The following EZH1 variants were observed in gnomAD, a reference collection of about 807,000 sequenced individuals.
EZH1 encodes enhancer of zeste 1 polycomb repressive complex 2 subunit, also known as histone-lysine N-methyltransferase EZH1.
In EZH1, 33 loss-of-function variants were observed where a neutral mutation model predicts 100.5. The observed-to-expected ratio is 0.33, with a 90% CI of 0.25 to 0.44. The LOEUF is 0.44. Among genes scored for constraint, EZH1 ranks in the 20% least tolerant of loss-of-function variants. The pLI, the probability that EZH1 is intolerant of heterozygous loss-of-function variation, is 1.00. For synonymous variants in EZH1, 272 were observed against 313.8 expected (o/e 0.87, Z 1.41); for missense variants, 475 against 928.4 (o/e 0.51, Z 6.35).
In EZH1 at chr17:42,702,951, C is replaced by G; in HGVS notation, c.2109G>C (p.Val703=). The G allele has an allele frequency of 6.2e-7, 1 of 1,614,092 alleles. No individual in the cohort carries two copies. Among genetic ancestry groups the G allele is most frequent in the South Asian group, 1.1e-5 (1 of 91,074 alleles). ...AGATCCCAATCCGATGGTCTCCATTCACCATGACCACTGCAAGCAGGATAA... is the reference window on the plus strand; with the variant it reads ...AGATCCCAATCCGATGGTCTCCATTGACCATGACCACTGCAAGCAGGATAA... ...NPNCYAKVVM[V]NGDHRIGIFA... is the part of the protein sequence containing the mutation. Residue 703 remains valine (V), a synonymous_variant, in exon 20 of 21, where the codon GTG becomes GTC. Transcript: ENST00000428826.
chr17:42,711,080 C>G (rs1449526285), intron 12 of EZH1, among the ~76,000 whole-genome samples: 1 of 152,112 alleles, frequency 6.6e-6, no homozygotes, highest in African/African-American at 2.4e-5. Flanking sequence ...TCTGTCTTCT[C>G]ACTGTGGTCT....
chr17:42,742,398 C>A (rs1432322726), intron 1 of EZH1, among the ~76,000 whole-genome samples: 3 of 152,158 alleles, frequency 2.0e-5, no homozygotes, highest in Admixed American at 6.6e-5. Flanking sequence ...ACAGCCTCAG[C>A]CTCCCAAAGT....
intron 2 of EZH1, among the ~76,000 whole-genome samples, 188 bp downstream of exon 2, chr17:42,730,640 G>A (rs1273823680): frequency 6.6e-6 from 1 of 150,496 alleles, no homozygotes; most frequent in Non-Finnish European, 1.5e-5. Flanking sequence ...GGGACTACAG[G>A]CGCCCGCTAC....
At chr17:42,707,444 T>G (rs564540211) in intron 15 of EZH1, among the ~76,000 whole-genome samples, 1 of 152,300 alleles carries the variant, frequency 6.6e-6, no homozygotes, top group African/African-American at 2.4e-5. Context: ...GTATTCTTAG[T>G]AGAGACGGGG....
At chr17:42,715,442 T>C (rs2053583223) in intron 10 of EZH1, among the ~76,000 whole-genome samples, 3 of 151,874 alleles carry the variant, frequency 2.0e-5, no homozygotes, top group African/African-American at 7.2e-5. Flanking sequence ...ACATGGGGTT[T>C]TGCCATGTTG....
chr17:42,712,457 T>C lies in EZH1; in HGVS notation c.1233A>G (p.Thr411=). 1 of 1,613,826 alleles carries C rather than the reference T, an allele frequency of 6.2e-7. No individual in the cohort carries two copies. The highest frequency in any genetic ancestry group is 8.5e-7 in the Non-Finnish European group (1 of 1,179,932). ...GTGGGGCTGGACTAGCCTTCTGTTT[T>C]GTGGGAGTCTGACAGCGAGAGTTAG... ...SEANSRCQTP[T]KQKASPAPPQ... The change falls in exon 12 of 21, where the codon ACA becomes ACG. Residue 411 remains threonine, a synonymous_variant. Coordinates refer to ENST00000428826, the MANE Select transcript of EZH1 (RefSeq NM_001991.5).
chr17:42,703,660 G>A, intron 19 of EZH1, 80 bp downstream of exon 19: 1 of 1,050,642 alleles, frequency 9.5e-7, no homozygotes, highest in Non-Finnish European at 1.5e-6. Context: ...CTCAGCTAAG[G>A]AAAATGTTCA....
chr17:42,735,923 T>A (rs1407531602), intron 1 of EZH1, among the ~76,000 whole-genome samples: 3 of 152,042 alleles, frequency 2.0e-5, no homozygotes, highest in Non-Finnish European at 4.4e-5. Context: ...AGGCAGAGGT[T>A]GCAGTGGGCC....
chr17:42,717,960 C>A lies in EZH1; in HGVS notation c.1023+16G>T, dbSNP rs1434183425. 1.2e-6 allele frequency: 2 copies of A among 1,612,400 alleles called. No individual in the cohort carries two copies. The highest frequency in any genetic ancestry group is 2.2e-5 in the East Asian group (1 of 44,878). ...CAGAATGAAGTTAATAATGCCAGAA[C>A]AGCTTAAGAACATACCAGCAAAAGG... is the stretch of plus-strand genomic sequence containing the variant. On this transcript the variant is annotated intron_variant, in intron 10 of 20. Coordinates refer to ENST00000428826, the MANE Select transcript of EZH1 (RefSeq NM_001991.5).
chr17:42,725,419 C>T (rs1042882750), intron 4 of EZH1, among the ~76,000 whole-genome samples: 17 of 151,724 alleles, frequency 1.1e-4, no homozygotes, highest in Middle Eastern at 3.2e-3. Context: ...CAGGCATGTG[C>T]TACTACATCC....
At chr17:42,736,636 A>G (rs1240752119) in intron 1 of EZH1, among the ~76,000 whole-genome samples, 2 of 152,078 alleles carry the variant, frequency 1.3e-5, no homozygotes, top group East Asian at 1.9e-4. Flanking sequence ...GGAGTTCGAG[A>G]CCAGCCTGGC....
At chr17:42,725,969 C>T (rs986928975) in intron 4 of EZH1, among the ~76,000 whole-genome samples, 4 of 151,412 alleles carry the variant, frequency 2.6e-5, no homozygotes, top group African/African-American at 7.3e-5. Context: ...ACCTCCGCCT[C>T]CCAGGTTCAA....
At chr17:42,705,271 G>A in intron 16 of EZH1, 88 bp from the exon 17 acceptor site, 1 of 676,196 alleles carries the variant, frequency 1.5e-6, no homozygotes, top group Non-Finnish European at 2.7e-6. Context: ...GTGGGGGTGG[G>A]GTGGAAAGAA....
chr17:42,738,539 T>TC (rs1276061614), intron 1 of EZH1, among the ~76,000 whole-genome samples: 2 of 151,814 alleles, frequency 1.3e-5, no homozygotes, highest in Non-Finnish European at 2.9e-5. Flanking sequence ...TTATTTTTTT[T>TC]TGAGATGGAG....
intron 4 of EZH1, among the ~76,000 whole-genome samples, chr17:42,725,506 C>T (rs1425104325): frequency 2.0e-5 from 3 of 151,520 alleles, no homozygotes; most frequent in East Asian, 3.9e-4. Context: ...GTCTCCAACT[C>T]CTGGACTCAA....
At chr17:42,713,767 C>T (rs763439696) in intron 10 of EZH1, among the ~76,000 whole-genome samples, 7 of 152,048 alleles carry the variant, frequency 4.6e-5, no homozygotes, top group Non-Finnish European at 1.0e-4. Context: ...AGCTAATGTC[C>T]TATAATCTTA....
chr17:42,722,476 T>C (rs2053729377), intron 6 of EZH1, among the ~76,000 whole-genome samples: 4 of 150,092 alleles, frequency 2.7e-5, no homozygotes, highest in Non-Finnish European at 5.9e-5. Flanking sequence ...AATACAAGAA[T>C]TAGCTGGGCA....
intron 1 of EZH1, among the ~76,000 whole-genome samples, chr17:42,734,231 G>A (rs915102313): frequency 6.6e-6 from 1 of 151,744 alleles, no homozygotes; most frequent in Non-Finnish European, 1.5e-5. Flanking sequence ...GTAGAGACAA[G>A]GTTTCACCAT....
At position 42,710,628 on chromosome 17, in the gene EZH1, T is replaced by G. The variant is rs1567987246; in HGVS notation, c.1402-691A>C. ...TTCAGCTCATGGTTCTGTTTTTGTTTGTTTTTTTTTTTTTTTTTTAAGAGA... is the reference window on the plus strand; with the variant it reads ...TTCAGCTCATGGTTCTGTTTTTGTTGGTTTTTTTTTTTTTTTTTTAAGAGA... On this transcript the variant is annotated intron_variant, in intron 12 of 20. Transcript: ENST00000428826. 4.1e-5 allele frequency among the ~76,000 whole-genome samples: 6 copies of G among 145,958 alleles called. No homozygotes were observed. In the South Asian group the frequency reaches 1.1e-3, roughly 26 times the overall value.
Sources: gnomAD v4.1 joint callset for allele counts (sites outside exome capture counted in the v4.1 genomes callset) on GRCh38, gnomAD v4.1.1 for gene constraint, MANE v1.5 for transcripts, NCBI Gene and HGNC (gene_info 2026-07-23, HGNC 2026-07-21) for gene names.